NELL1: variants seen among roughly 807,000 people sequenced by gnomAD.
NELL1 encodes protein kinase C-binding protein NELL1.
A neutral mutation model predicts 107.4 loss-of-function variants in NELL1; 76 were observed. The observed-to-expected ratio is 0.71, with a 90% CI of 0.59 to 0.86. NELL1 has a LOEUF of 0.86. NELL1 is among the 40% of genes least tolerant of loss of function. The pLI is 0.00. For missense variants in NELL1, 1,024 were observed against 1,005.5 expected, an observed-to-expected ratio of 1.02 and a Z score of -0.25; for synonymous variants, 353 against 341.2, an observed-to-expected ratio of 1.03 and a Z score of -0.38.
At chr11:20,874,823 T>C (rs1294792304) in intron 4 of NELL1, among the ~76,000 whole-genome samples, 3 of 152,226 alleles carry the variant, frequency 2.0e-5, no homozygotes, top group Non-Finnish European at 1.5e-5. Flanking sequence ...TTTTCCCTCT[T>C]GGTGCTGCAC....
intron 2 of NELL1, among the ~76,000 whole-genome samples, chr11:20,767,745 T>TTCAC (rs1491530570): frequency 6.6e-6 from 1 of 151,278 alleles, no homozygotes; most frequent in Non-Finnish European, 1.5e-5. Flanking sequence ...CATTCATTCA[T>TTCAC]TCATGCACTC....
intron 5 of NELL1, among the ~76,000 whole-genome samples, chr11:20,906,012 C>T (rs559701575): frequency 1.6e-4 from 25 of 152,076 alleles, no homozygotes; most frequent in South Asian, 8.3e-4. Context: ...AAAAGATAAA[C>T]GCAAAGAGAA....
chr11:21,131,867 T>C (rs1353655571), intron 13 of NELL1, among the ~76,000 whole-genome samples: 1 of 152,182 alleles, frequency 6.6e-6, no homozygotes, highest in Non-Finnish European at 1.5e-5. Flanking sequence ...TAATGATGTT[T>C]TATTAACCAC....
intron 14 of NELL1, among the ~76,000 whole-genome samples, chr11:21,231,859 T>C (rs1482365073): frequency 6.6e-6 from 1 of 152,182 alleles, no homozygotes; most frequent in Non-Finnish European, 1.5e-5. Flanking sequence ...AAAAGTCTTG[T>C]GTTTTATAAA....
intron 15 of NELL1, among the ~76,000 whole-genome samples, chr11:21,415,839 G>A (rs2133815873): frequency 6.6e-6 from 1 of 152,186 alleles, no homozygotes; most frequent in South Asian, 2.1e-4. Context: ...AGGGATGTAT[G>A]CCAAATGACA....
intron 2 of NELL1, among the ~76,000 whole-genome samples, chr11:20,682,402 A>T (rs1565304891): frequency 6.6e-6 from 1 of 151,658 alleles, no homozygotes. Flanking sequence ...TTTTTAAAAA[A>T]CAAGGCCTTC....
intron 15 of NELL1, among the ~76,000 whole-genome samples, chr11:21,506,000 G>C (rs1855269056): frequency 6.6e-6 from 1 of 152,180 alleles, no homozygotes; most frequent in Admixed American, 6.6e-5. Flanking sequence ...AGAGCCACCA[G>C]CATGTCAGAG....
chr11:21,099,314 G>A (rs1854745187), intron 12 of NELL1, among the ~76,000 whole-genome samples: 1 of 151,894 alleles, frequency 6.6e-6, no homozygotes, highest in African/African-American at 2.4e-5. Flanking sequence ...GCAGGGAAAA[G>A]GAAAAGTCAG....
chr11:21,247,484 C>G (rs1037341079), intron 14 of NELL1, among the ~76,000 whole-genome samples: 6 of 152,042 alleles, frequency 3.9e-5, no homozygotes, highest in African/African-American at 7.2e-5. Flanking sequence ...ACACACATCA[C>G]ACAGGGTCAG....
At chr11:21,211,756 T>C (rs1857502019) in intron 13 of NELL1, among the ~76,000 whole-genome samples, 1 of 152,036 alleles carries the variant, frequency 6.6e-6, no homozygotes, top group Admixed American at 6.6e-5. Flanking sequence ...TTACAAGAGA[T>C]TAAGGGAGAA....
chr11:21,381,125 G>A (rs546722976), intron 15 of NELL1, among the ~76,000 whole-genome samples: 10 of 152,030 alleles, frequency 6.6e-5, no homozygotes, highest in African/African-American at 9.6e-5. Flanking sequence ...CTGCTACCTC[G>A]TGATCATTTT....
At chr11:21,454,655 G>C (rs566585196) in intron 15 of NELL1, among the ~76,000 whole-genome samples, 8 of 152,302 alleles carry the variant, frequency 5.3e-5, no homozygotes, top group African/African-American at 1.7e-4. Context: ...ACATTTATTT[G>C]TCACAATTCT....
intron 15 of NELL1, among the ~76,000 whole-genome samples, chr11:21,481,769 C>T (rs190855043): frequency 6.6e-6 from 1 of 152,110 alleles, no homozygotes; most frequent in East Asian, 1.9e-4. Context: ...CCCACAATGC[C>T]CAAAACAGAA....
intron 14 of NELL1, among the ~76,000 whole-genome samples, chr11:21,251,408 T>C (rs1203396228): frequency 2.6e-5 from 4 of 152,106 alleles, no homozygotes; most frequent in South Asian, 4.1e-4. Flanking sequence ...AAATATGCAA[T>C]TGAAGATCCA....
At chr11:20,869,627 G>A (rs530153166) in intron 4 of NELL1, among the ~76,000 whole-genome samples, 8 of 152,328 alleles carry the variant, frequency 5.3e-5, no homozygotes, top group African/African-American at 1.9e-4. Context: ...GACATGAGCT[G>A]CTTTAGGTAC....
chr11:21,029,844 A>G (rs1338133386), intron 12 of NELL1, among the ~76,000 whole-genome samples: 1 of 152,176 alleles, frequency 6.6e-6, no homozygotes, highest in Non-Finnish European at 1.5e-5. Context: ...TCTTCTCTCC[A>G]TTCATCTATT....
chr11:21,374,624 A>T (rs1316469265), intron 15 of NELL1, among the ~76,000 whole-genome samples: 2 of 151,994 alleles, frequency 1.3e-5, no homozygotes, highest in Non-Finnish European at 2.9e-5. Context: ...ACGATTGTCA[A>T]AGTATTTGTG....
At chr11:20,726,085 T>C (rs1316222432) in intron 2 of NELL1, among the ~76,000 whole-genome samples, 3 of 152,220 alleles carry the variant, frequency 2.0e-5, no homozygotes, top group Admixed American at 6.5e-5. Flanking sequence ...TTCGGTCTTT[T>C]TTATGACTGC....
intron 4 of NELL1, among the ~76,000 whole-genome samples, chr11:20,854,937 T>C (rs1364836213): frequency 1.3e-5 from 2 of 152,222 alleles, no homozygotes; most frequent in Non-Finnish European, 2.9e-5. Context: ...GCCAATATAA[T>C]ACTTTCAAAA....
Sources: allele counts gnomAD v4.1 joint callset (sites outside exome capture counted in the v4.1 genomes callset), GRCh38; gene constraint gnomAD v4.1.1; transcripts MANE v1.5; gene names NCBI Gene and HGNC (gene_info 2026-07-23, HGNC 2026-07-21).